AFAP1L2: variants seen among roughly 807,000 people sequenced by gnomAD.
AFAP1L2 encodes actin filament associated protein 1 like 2.
Under a neutral mutation model 99.3 loss-of-function variants are expected in AFAP1L2, and 46 were observed. That is an observed-to-expected ratio of 0.46 (90% CI 0.37 to 0.59). AFAP1L2 has a LOEUF of 0.59. AFAP1L2 is among the 20% of genes least tolerant of loss of function. The pLI is 0.00. For missense variants in AFAP1L2, 959 were observed against 1,034.9 expected, an observed-to-expected ratio of 0.93 and a Z score of 1.01; for synonymous variants, 397 against 419.1, an observed-to-expected ratio of 0.95 and a Z score of 0.64.
intron 1 of AFAP1L2, among the ~76,000 whole-genome samples, chr10:114,361,025 C>T (rs1207957607): frequency 6.6e-6 from 1 of 152,124 alleles, no homozygotes; most frequent in Non-Finnish European, 1.5e-5. Flanking sequence ...GGAAGCCTCA[C>T]AATCATGGTG....
chr10:114,308,448 G>A lies in AFAP1L2; in HGVS notation c.952C>T (p.Pro318Ser), dbSNP rs1264589153. Residue 318 changes from proline (P) to serine (S), a missense_variant, in exon 9 of 19, where the codon CCA becomes TCA. Physicochemically the swap from Pro to Ser is moderately conservative, Grantham distance 74. Transcript: ENST00000304129. ...GSSVDGHPEV[P>S]ETKDVKKKCS... Reference sequence around the variant, plus strand: ...ATGATGTTACCGTCTTTGGTTTCTGGGACCTCAGGGTGGCCATCCACGGAG... The same window carrying A: ...ATGATGTTACCGTCTTTGGTTTCTGAGACCTCAGGGTGGCCATCCACGGAG... The A allele has an allele frequency of 3.7e-6, 6 of 1,614,000 alleles. No homozygotes were observed. Among genetic ancestry groups the A allele is most frequent in the Non-Finnish European group, 5.1e-6 (6 of 1,179,996 alleles).
At chr10:114,400,418 A>G (rs2058118314) in intron 1 of AFAP1L2, among the ~76,000 whole-genome samples, 1 of 152,154 alleles carries the variant, frequency 6.6e-6, no homozygotes, top group African/African-American at 2.4e-5. Context: ...ACGCAACTTC[A>G]AAGTCAGGGA....
At chr10:114,373,081 A>C (rs1047621203) in intron 1 of AFAP1L2, among the ~76,000 whole-genome samples, 8 of 152,158 alleles carry the variant, frequency 5.3e-5, no homozygotes, top group Admixed American at 5.2e-4. Context: ...GACTCTATAA[A>C]AAAATTTTAA....
At position 114,295,172 on chromosome 10, in the gene AFAP1L2, A is replaced by G; in HGVS notation, c.*870T>C. ...TAAACAGAACTTAAAATCAGAGACT[A>G]TTTATATTAAATAACTCTTCCCTTA... On this transcript the variant is annotated 3_prime_UTR_variant, in exon 19 of 19. Transcript: ENST00000304129. 1 of 985,588 alleles carries G rather than the reference A, an allele frequency of 1.0e-6. No homozygotes were observed. The highest frequency in any genetic ancestry group is 1.2e-6 in the Non-Finnish European group (1 of 829,730). The allele number at this position is 985,588 out of a possible 1,614,324, so 61.1% of individuals were successfully genotyped here.
chr10:114,352,479 T>TAAAAAAAGAAAA (rs2050672805), intron 1 of AFAP1L2, among the ~76,000 whole-genome samples: 1 of 71,372 alleles, frequency 1.4e-5, no homozygotes, highest in African/African-American at 5.5e-5. Flanking sequence ...GTCTCCAAAT[T>TAAAAAAAGAAAA]AAAAAAAAAA....
chr10:114,392,497 G>T (rs1338085340), intron 1 of AFAP1L2, among the ~76,000 whole-genome samples: 1 of 152,148 alleles, frequency 6.6e-6, no homozygotes, highest in African/African-American at 2.4e-5. Flanking sequence ...ATTAAATTAG[G>T]ACTTTCCCTC....
At chr10:114,360,340 C>T (rs1181970826) in intron 1 of AFAP1L2, among the ~76,000 whole-genome samples, 1 of 152,150 alleles carries the variant, frequency 6.6e-6, no homozygotes, top group African/African-American at 2.4e-5. Context: ...CCTTCAGACT[C>T]AAACTAGAAC....
At chr10:114,301,890 G>C (rs761956434) in intron 12 of AFAP1L2, 1 of 254,160 alleles carries the variant, frequency 3.9e-6, no homozygotes, top group Non-Finnish European at 7.7e-6. Context: ...TGGCTCAGCC[G>C]GCTTCCACGA....
At chr10:114,322,097 C>G (rs927036210) in intron 5 of AFAP1L2, among the ~76,000 whole-genome samples, 7 of 152,178 alleles carry the variant, frequency 4.6e-5, no homozygotes, top group African/African-American at 1.4e-4. Flanking sequence ...CCTGTACACG[C>G]TCTCTCTTGC....
intron 5 of AFAP1L2, among the ~76,000 whole-genome samples, chr10:114,318,682 C>T (rs7903553): frequency 0.72 from 105,831 of 146,402 alleles, 39,963 homozygotes; most frequent in East Asian, 0.93. Flanking sequence ...GTGGAGATTG[C>T]GGTGAGCTGA....
In AFAP1L2 at chr10:114,295,944, T is replaced by C; in HGVS notation, c.*98A>G. On this transcript the variant is annotated 3_prime_UTR_variant, in exon 19 of 19. Coordinates refer to ENST00000304129, the MANE Select transcript of AFAP1L2 (RefSeq NM_001001936.3). The stretch of plus-strand genomic sequence containing the variant: ...GTACCTCAGTCTTTGCTTTTTCTTC[T>C]AAACAGACTCACCCTTTCGCATAGT... The C allele has an allele frequency of 6.2e-7, 1 of 1,607,074 alleles. No homozygotes were observed. The highest frequency in any genetic ancestry group is 8.5e-7 in the Non-Finnish European group (1 of 1,175,762).
In AFAP1L2 at chr10:114,377,318, G is replaced by A. The variant is rs1047904936; in HGVS notation, c.16+27122C>T. Among the ~76,000 whole-genome samples, 4 of 152,224 alleles carry A rather than the reference G, an allele frequency of 2.6e-5. No individual in the cohort carries two copies. The highest frequency in any genetic ancestry group is 9.6e-5 in the African/African-American group (4 of 41,460). On this transcript the variant is annotated intron_variant, in intron 1 of 18. Coordinates refer to ENST00000304129, the MANE Select transcript of AFAP1L2 (RefSeq NM_001001936.3). This position sits in a 1 kb window ranked among gnomAD's most constrained non-coding sequence, Gnocchi z 4.0. Reference sequence around the variant, plus strand: ...GCCTTAAAACCCTTCAGAGAGGCCAGTTCCAAGGCAAGAATCAAATGTGGC... The same window carrying A: ...GCCTTAAAACCCTTCAGAGAGGCCAATTCCAAGGCAAGAATCAAATGTGGC...
chr10:114,317,899 G>C (rs565022234), intron 5 of AFAP1L2, among the ~76,000 whole-genome samples: 1 of 152,190 alleles, frequency 6.6e-6, no homozygotes, highest in Non-Finnish European at 1.5e-5. Flanking sequence ...ACATGCATTA[G>C]GATATTCATT....
chr10:114,297,131 G>A (rs2040362517), intron 17 of AFAP1L2, 31 bp from the exon 18 acceptor site: 3 of 1,612,826 alleles, frequency 1.9e-6, no homozygotes, highest in Admixed American at 1.7e-5. Context: ...CAAGGGCTGA[G>A]TCAAGGGGAG....
chr10:114,357,663 T>G (rs2051597333), intron 1 of AFAP1L2, among the ~76,000 whole-genome samples: 1 of 152,218 alleles, frequency 6.6e-6, no homozygotes, highest in African/African-American at 2.4e-5. Flanking sequence ...AAATTCCAAT[T>G]TCCCCATTTC....
downstream of AFAP1L2, chr10:114,294,757 C>G: frequency 5.5e-6 from 5 of 914,588 alleles, no homozygotes; most frequent in African/African-American, 1.8e-5. Flanking sequence ...TGTAAATAAC[C>G]AAAACATTTC....
intron 1 of AFAP1L2, among the ~76,000 whole-genome samples, chr10:114,385,054 C>T (rs115315154): frequency 1.8e-3 from 270 of 152,146 alleles, no homozygotes; most frequent in African/African-American, 6.2e-3. Context: ...GCAGCAGGGG[C>T]CAGAGGTGAT....
intron 10 of AFAP1L2, among the ~76,000 whole-genome samples, chr10:114,306,047 A>T (rs2042298897): frequency 8.5e-6 from 1 of 117,086 alleles, no homozygotes; most frequent in African/African-American, 3.7e-5. Context: ...ACACAGATGC[A>T]GAAGGGGGCG....
At chr10:114,391,121 T>C (rs1565080056) in intron 1 of AFAP1L2, among the ~76,000 whole-genome samples, 1 of 152,190 alleles carries the variant, frequency 6.6e-6, no homozygotes, top group Non-Finnish European at 1.5e-5. Context: ...TTGTCCAGGG[T>C]GTCACTCAGT....
Sources: allele counts gnomAD v4.1 joint callset (sites outside exome capture counted in the v4.1 genomes callset), GRCh38; gene constraint gnomAD v4.1.1; non-coding constraint Gnocchi (gnomAD v3.1); transcripts MANE v1.5; gene names NCBI Gene and HGNC (gene_info 2026-07-23, HGNC 2026-07-21).